Variants in DCBLD1 observed in about 807,000 individuals in gnomAD.
DCBLD1 encodes the protein discoidin, CUB and LCCL domain-containing protein 1.
DCBLD1 carries 57 observed loss-of-function variants against 71.5 expected under a neutral mutation model. That is an observed-to-expected ratio of 0.80 (90% CI 0.64 to 0.99). The LOEUF (loss-of-function observed/expected upper bound fraction) is 0.99, where lower values mean the gene tolerates loss of function less well. Ranked by LOEUF, DCBLD1 falls within the 50% of genes least tolerant of loss-of-function variation. DCBLD1 has a pLI of 0.00. For synonymous variants in DCBLD1, 380 were observed against 363.8 expected, an observed-to-expected ratio of 1.04 and a Z score of -0.51; for missense variants, 891 against 923.5, an observed-to-expected ratio of 0.96 and a Z score of 0.46.
At chr6:117,551,625 A>G (rs1779429616), downstream of DCBLD1, among the ~76,000 whole-genome samples, 2 of 152,066 alleles carry the variant, frequency 1.3e-5, no homozygotes, top group Non-Finnish European at 2.9e-5. Context: ...GTGATCCGCC[A>G]TCCTCGGCCT....
At chr6:117,492,927 CA>C (rs1215124696) in intron 1 of DCBLD1, among the ~76,000 whole-genome samples, 1 of 152,134 alleles carries the variant, frequency 6.6e-6, no homozygotes, top group East Asian at 1.9e-4. Flanking sequence ...ACAGTATGCT[CA>C]AGTAATTCCT....
At chr6:117,541,092 T>TC in intron 11 of DCBLD1, 67 bp downstream of exon 11, 1 of 1,491,318 alleles carries the variant, frequency 6.7e-7, no homozygotes, top group Non-Finnish European at 9.2e-7. Flanking sequence ...ATCAGTAACT[T>TC]CAACAAAATT....
rs551209393 is a variant in DCBLD1, at chr6:117,488,459, C to G, written c.112+5566C>G. Among the ~76,000 whole-genome samples, 145 of 152,168 alleles carry G rather than the reference C, an allele frequency of 9.5e-4. 1 individual carries two copies. The highest frequency in any genetic ancestry group is 1.9e-3 in the Non-Finnish European group (127 of 68,008). On this transcript the variant is annotated intron_variant, in intron 1 of 14. Transcript: ENST00000338728. Reference sequence around the variant, plus strand: ...AGGAGTTCCAGACCAGCCTGGGCAACATGGCGAAACCCCCGACTCTACAAA... The same window carrying G: ...AGGAGTTCCAGACCAGCCTGGGCAAGATGGCGAAACCCCCGACTCTACAAA...
intron 2 of DCBLD1, among the ~76,000 whole-genome samples, chr6:117,505,641 A>G (rs1777815975): frequency 6.6e-6 from 1 of 152,194 alleles, no homozygotes; most frequent in Non-Finnish European, 1.5e-5. Context: ...AGTTTCCTCC[A>G]TCATCTTTGA....
chr6:117,552,450 A>G (rs1485267022), downstream of DCBLD1, among the ~76,000 whole-genome samples: 1 of 152,100 alleles, frequency 6.6e-6, no homozygotes, highest in Non-Finnish European at 1.5e-5. Flanking sequence ...AATGCACTTA[A>G]CTGTGGCACA....
intron 2 of DCBLD1, among the ~76,000 whole-genome samples, chr6:117,510,224 G>A (rs537662659): frequency 3.2e-4 from 49 of 152,120 alleles, no homozygotes; most frequent in African/African-American, 1.1e-3. Flanking sequence ...TTTCCCAAAT[G>A]CATCATACGG....
At chr6:117,535,413 C>A (rs771968613) in intron 6 of DCBLD1, among the ~76,000 whole-genome samples, 4 of 152,140 alleles carry the variant, frequency 2.6e-5, no homozygotes, top group Non-Finnish European at 5.9e-5. Context: ...TGAATTCATT[C>A]ACTCTAATGT....
intron 2 of DCBLD1, among the ~76,000 whole-genome samples, chr6:117,511,880 C>T (rs183075801): frequency 6.6e-6 from 1 of 152,226 alleles, no homozygotes; most frequent in African/African-American, 2.4e-5. Flanking sequence ...GCTGCAGACA[C>T]CCTAGAAGTG....
At chr6:117,560,805 T>C (rs192966265) in intron 14 of DCBLD1, 1 of 213,368 alleles carries the variant, frequency 4.7e-6, no homozygotes, top group African/African-American at 2.3e-5. Flanking sequence ...CCATTCTGTT[T>C]GTGTATACAT....
At chr6:117,518,680 C>T (rs983014221) in intron 2 of DCBLD1, among the ~76,000 whole-genome samples, 11 of 152,270 alleles carry the variant, frequency 7.2e-5, no homozygotes, top group African/African-American at 2.2e-4. Flanking sequence ...GAAATGAGCT[C>T]GTGCAGGGGA....
intron 9 of DCBLD1, chr6:117,539,598 T>A (rs901120415): frequency 4.7e-5 from 17 of 360,456 alleles, no homozygotes; most frequent in South Asian, 1.2e-4. Flanking sequence ...CAAAAAAAAA[T>A]TTTTAATTAC....
chr6:117,535,093 A>C (rs1331312199), intron 6 of DCBLD1, among the ~76,000 whole-genome samples: 1 of 152,228 alleles, frequency 6.6e-6, no homozygotes, highest in Non-Finnish European at 1.5e-5. Flanking sequence ...AACACTGTAC[A>C]TGCGGTCATT....
At chr6:117,564,554 T>C (rs1779654977) in intron 14 of DCBLD1, among the ~76,000 whole-genome samples, 1 of 152,210 alleles carries the variant, frequency 6.6e-6, no homozygotes. Flanking sequence ...TTAGGTGATA[T>C]ATATATCTAT....
rs572771254 is a variant in DCBLD1, at chr6:117,537,391, G to A, written c.760+166G>A. 4.0e-5 allele frequency among the ~76,000 whole-genome samples: 6 copies of A among 151,786 alleles called. No individual in the cohort carries two copies. The South Asian group carries it at 6.3e-4, about 16-fold the overall frequency. ...CTACTAAAAATACAAAAAATTAGCC[G>A]GGCCTGGTGGGGGGCGCCTGTAGTC... On this transcript the variant is annotated intron_variant, in intron 7 of 14. Transcript: ENST00000338728.
chr6:117,542,216 C>A (rs1349836602), intron 11 of DCBLD1, among the ~76,000 whole-genome samples: 1 of 151,356 alleles, frequency 6.6e-6, no homozygotes, highest in African/African-American at 2.4e-5. Context: ...TTGCTTGAAC[C>A]CAGAAGGCGA....
Position 117,482,788 on chromosome 6 carries a change from C to G in DCBLD1, c.7C>G (p.Pro3Ala), listed in dbSNP as rs1776934189. The G allele has an allele frequency of 2.6e-6, 3 of 1,142,684 alleles. No individual in the cohort carries two copies. 70.8% of individuals were successfully genotyped at this position (1,142,684 alleles called of 1,614,324 possible). A position where few individuals can be genotyped will look rare whatever the true frequency, so the allele number is the denominator to read the frequency against. MV[P>A]GARGGGALAR... ...GCTGGCGCCCAGCGGGGTCATGGTG[C>G]CCGGCGCCCGCGGCGGCGGCGCACT... The change falls in exon 1 of 15, where the codon CCC becomes GCC. Residue 3 changes from proline (P) to alanine (A), a missense_variant. By Grantham distance (27) the Pro-to-Ala change is conservative. Transcript: ENST00000338728.
chr6:117,531,696 G>C (rs1695714520), intron 5 of DCBLD1, among the ~76,000 whole-genome samples: 1 of 152,178 alleles, frequency 6.6e-6, no homozygotes, highest in African/African-American at 2.4e-5. Flanking sequence ...ATGTTCTGTG[G>C]CTGTCATTAC....
At chr6:117,520,880 A>T (rs1778363055) in intron 3 of DCBLD1, among the ~76,000 whole-genome samples, 1 of 152,192 alleles carries the variant, frequency 6.6e-6, no homozygotes, top group Non-Finnish European at 1.5e-5. Flanking sequence ...TTCACCATAT[A>T]TTGCTCCCAA....
intron 14 of DCBLD1, among the ~76,000 whole-genome samples, chr6:117,546,838 A>G (rs1452481393): frequency 3.3e-5 from 5 of 151,942 alleles, no homozygotes; most frequent in Non-Finnish European, 7.4e-5. Flanking sequence ...CCTGCTGGAC[A>G]CCTCCACCTG....
Sources: gnomAD v4.1 joint callset for allele counts (sites outside exome capture counted in the v4.1 genomes callset) on GRCh38, gnomAD v4.1.1 for gene constraint, MANE v1.5 for transcripts, NCBI Gene and HGNC (gene_info 2026-07-23, HGNC 2026-07-21) for gene names.